Variants in OR9Q1 observed in about 807,000 individuals in gnomAD.
The protein encoded by OR9Q1 is olfactory receptor 9Q1.
For missense variants in OR9Q1, 374 were observed against 378.8 expected, an observed-to-expected ratio of 0.99 and a Z score of 0.11; for synonymous variants, 153 against 148.6, an observed-to-expected ratio of 1.03 and a Z score of -0.22.
Position 58,179,913 on chromosome 11 carries a change from T to G in OR9Q1, c.469T>G (p.Leu157Val). 1 of 1,614,182 alleles carries G rather than the reference T, an allele frequency of 6.2e-7. No homozygotes were observed. The highest frequency in any genetic ancestry group is 8.5e-7 in the Non-Finnish European group (1 of 1,180,022). Reference protein sequence around the residue: ...GAYVAGLISALVRTVSAFTLS... With the variant: ...GAYVAGLISAVVRTVSAFTLS... ...TTACGTTGCTGGTCTCATCAGTGCC[T>G]TGGTGCGGACAGTCTCAGCCTTCAC... Residue 157 changes from leucine to valine, a missense_variant, in exon 3 of 3, where the codon TTG becomes GTG. Leu to Val is a conservative substitution (Grantham distance 32). Transcript: ENST00000335397.
chr11:58,075,343 C>T (rs1853529565), intron 2 of OR9Q1: 2 of 152,068 alleles, frequency 1.3e-5, no homozygotes, highest in South Asian at 4.2e-4. Context: ...AGTTGTATTC[C>T]TAGGGATTTT....
chr11:58,066,186 G>C (rs1396953361), intron 2 of OR9Q1, among the ~76,000 whole-genome samples: 1 of 152,102 alleles, frequency 6.6e-6, no homozygotes, highest in Non-Finnish European at 1.5e-5. Context: ...TGCTCCGGAG[G>C]CTGCTGGAAC....
intron 2 of OR9Q1, among the ~76,000 whole-genome samples, chr11:58,068,277 G>A (rs551097818): frequency 5.9e-5 from 9 of 152,062 alleles, no homozygotes; most frequent in Admixed American, 1.3e-4. Context: ...GAACCTGGGA[G>A]GTGGAGGCTG....
rs1195939975 is a variant in OR9Q1 at position 58,128,209 on chromosome 11, T to C, written c.-14-51222T>C. On this transcript the variant is annotated intron_variant, in intron 2 of 2. Coordinates refer to ENST00000335397, the MANE Select transcript of OR9Q1 (RefSeq NM_001005212.4). ...AATAGAAAAAATATTTCAATATTTA[T>C]AGTAGAATAGTAGGGGCAAACAGGT... is the stretch of plus-strand genomic sequence containing the variant. Among the ~76,000 whole-genome samples, 3 of 139,818 alleles carry C rather than the reference T, an allele frequency of 2.1e-5. No individual in the cohort carries two copies. The Admixed American group carries it at 2.2e-4, about 10-fold the overall frequency. The allele number at this position is 139,818 out of a possible 152,430, so 91.7% of individuals were successfully genotyped here.
At chr11:58,167,207 A>G (rs1854513254) in intron 2 of OR9Q1, among the ~76,000 whole-genome samples, 1 of 152,250 alleles carries the variant, frequency 6.6e-6, no homozygotes, top group Non-Finnish European at 1.5e-5. Flanking sequence ...TAATATGCCA[A>G]CTGTTAAAAT....
At chr11:58,047,069 T>C (rs1386951263) in intron 1 of OR9Q1, among the ~76,000 whole-genome samples, 27 of 152,232 alleles carry the variant, frequency 1.8e-4, no homozygotes, top group Admixed American at 1.8e-3. Flanking sequence ...TAAACTTGAA[T>C]TGACAATTGT....
intron 2 of OR9Q1, among the ~76,000 whole-genome samples, chr11:58,067,648 G>A (rs1269357050): frequency 1.3e-5 from 2 of 152,238 alleles, no homozygotes; most frequent in Admixed American, 6.5e-5. Context: ...CAGTGGTACA[G>A]TGTACAAAGC....
intron 2 of OR9Q1, chr11:58,109,499 G>A (rs776283528): frequency 2.2e-6 from 1 of 462,066 alleles, no homozygotes; most frequent in African/African-American, 2.0e-5. Context: ...GGGGTGTGGA[G>A]TTGGGCATCC....
chr11:58,144,550 T>C (rs1392456428), intron 2 of OR9Q1: 2 of 152,164 alleles, frequency 1.3e-5, no homozygotes, highest in African/African-American at 4.8e-5. Context: ...GAGCTGCAGA[T>C]AGGTCTCTTC....
rs578259022 is a variant in OR9Q1, at chr11:58,177,055, T to A, written c.-14-2376T>A. Among the ~76,000 whole-genome samples the A allele has an allele frequency of 6.6e-5, 10 of 152,258 alleles. No individual in the cohort carries two copies. The East Asian group carries it at 7.7e-4, about 12-fold the overall frequency. The stretch of plus-strand genomic sequence containing the variant: ...CAGATCCAATTTCCTTTAATTATCA[T>A]TTTTTTCCCAATAGGTCAGTCTGAC... On this transcript the variant is annotated intron_variant, in intron 2 of 2. Coordinates refer to ENST00000335397, the MANE Select transcript of OR9Q1 (RefSeq NM_001005212.4).
chr11:58,139,751 C>T (rs2119863760), intron 2 of OR9Q1, among the ~76,000 whole-genome samples: 1 of 152,174 alleles, frequency 6.6e-6, no homozygotes, highest in East Asian at 1.9e-4. Flanking sequence ...CATACGTGTG[C>T]ATGTGTCTTT....
chr11:58,054,235 A>G (rs188930531), intron 1 of OR9Q1, among the ~76,000 whole-genome samples: 176 of 152,364 alleles, frequency 1.2e-3, no homozygotes, highest in African/African-American at 3.9e-3. Flanking sequence ...ATCTTCAAAC[A>G]TCTTTGGAAA....
intron 2 of OR9Q1, among the ~76,000 whole-genome samples, chr11:58,060,658 C>T (rs767760087): frequency 3.9e-4 from 60 of 152,228 alleles, no homozygotes; most frequent in East Asian, 9.6e-4. Context: ...GCCAGCATGG[C>T]GAAACCCTGT....
At chr11:58,031,617 A>C (rs529254367) in intron 1 of OR9Q1, 1 of 1,611,960 alleles carries the variant, frequency 6.2e-7, no homozygotes, top group Admixed American at 1.7e-5. Flanking sequence ...GCTGTGTCCT[A>C]TGGCAACATC....
At chr11:58,096,126 T>TTC (rs143994215) in intron 2 of OR9Q1, among the ~76,000 whole-genome samples, 2 of 150,808 alleles carry the variant, frequency 1.3e-5, no homozygotes, top group East Asian at 2.0e-4. Context: ...CTCCCTCATT[T>TTC]TCTCTCTCTC....
At chr11:58,115,807 C>A (rs1434363066) in intron 2 of OR9Q1, among the ~76,000 whole-genome samples, 2 of 152,078 alleles carry the variant, frequency 1.3e-5, no homozygotes, top group African/African-American at 4.8e-5. Context: ...TAATAAAAAT[C>A]TTTAAAAACA....
rs1299582891 is a variant in OR9Q1 at position 58,120,585 on chromosome 11, A to G, written c.-14-58846A>G. Among the ~76,000 whole-genome samples, 17 of 151,994 alleles carry G rather than the reference A, an allele frequency of 1.1e-4. No individual in the cohort carries two copies. The East Asian group carries it at 3.3e-3, about 29-fold the overall frequency. Reference sequence around the variant, plus strand: ...GCAGTATACACTGAACTCAATTTGTAGCCTTTTAAGTATTAATAAGTTAAT... The same window carrying G: ...GCAGTATACACTGAACTCAATTTGTGGCCTTTTAAGTATTAATAAGTTAAT... On this transcript the variant is annotated intron_variant, in intron 2 of 2. Transcript: ENST00000335397.
At chr11:58,134,468 T>C (rs1050710868) in intron 2 of OR9Q1, among the ~76,000 whole-genome samples, 2 of 152,150 alleles carry the variant, frequency 1.3e-5, no homozygotes, top group Non-Finnish European at 1.5e-5. Flanking sequence ...TGATGCTACT[T>C]TATCTTCCTG....
chr11:58,034,046 C>G (rs1371540946), intron 1 of OR9Q1, among the ~76,000 whole-genome samples: 1 of 137,198 alleles, frequency 7.3e-6, no homozygotes, highest in Non-Finnish European at 1.6e-5. Flanking sequence ...TAAGAAAGTT[C>G]TGCTGGCCAA....
Sources: allele counts gnomAD v4.1 joint callset (sites outside exome capture counted in the v4.1 genomes callset), GRCh38; gene constraint gnomAD v4.1.1; transcripts MANE v1.5; gene names NCBI Gene and HGNC (gene_info 2026-07-23, HGNC 2026-07-21).